IPO11: variants seen among roughly 807,000 people sequenced by gnomAD.
The protein encoded by IPO11 is importin 11.
A neutral mutation model predicts 143.2 loss-of-function variants in IPO11; 66 were observed. The observed-to-expected ratio is 0.46, with a 90% CI of 0.38 to 0.57. IPO11 has a LOEUF of 0.57. Among genes scored for constraint, IPO11 ranks in the 20% least tolerant of loss-of-function variants. IPO11 has a pLI of 0.00. For synonymous variants in IPO11, 385 were observed against 377.8 expected, an observed-to-expected ratio of 1.02 and a Z score of -0.22; for missense variants, 1,026 against 1,141.0, an observed-to-expected ratio of 0.90 and a Z score of 1.45.
chr5:62,533,367 G>A (rs1742624797), intron 22 of IPO11, among the ~76,000 whole-genome samples: 1 of 151,652 alleles, frequency 6.6e-6, no homozygotes, highest in African/African-American at 2.4e-5. Flanking sequence ...ATGCACCACT[G>A]CCCCAGCTAA....
chr5:62,447,250 T>C (rs1184790864), intron 3 of IPO11, among the ~76,000 whole-genome samples: 3 of 151,902 alleles, frequency 2.0e-5, no homozygotes, highest in Non-Finnish European at 2.9e-5. Flanking sequence ...TGACTACATG[T>C]GTGTGCCGCC....
intron 5 of IPO11, among the ~76,000 whole-genome samples, chr5:62,461,566 G>GC (rs1229839319): frequency 2.0e-5 from 3 of 152,240 alleles, no homozygotes; most frequent in African/African-American, 7.2e-5. Context: ...AGCCATTTGT[G>GC]TAGAGACCTT....
At chr5:62,524,782 A>C (rs1347149766) in intron 20 of IPO11, among the ~76,000 whole-genome samples, 2 of 152,332 alleles carry the variant, frequency 1.3e-5, no homozygotes, top group East Asian at 3.9e-4. Flanking sequence ...TGAACTTAGT[A>C]GTATGTGTCA....
At chr5:62,471,788 T>C (rs1033065280) in intron 7 of IPO11, among the ~76,000 whole-genome samples, 1 of 152,242 alleles carries the variant, frequency 6.6e-6, no homozygotes, top group African/African-American at 2.4e-5. Context: ...ATTCTTATAA[T>C]GTACTTACAC....
chr5:62,584,702 T>C (rs1744703971), intron 27 of IPO11, among the ~76,000 whole-genome samples: 1 of 149,586 alleles, frequency 6.7e-6, no homozygotes, highest in African/African-American at 2.4e-5. Flanking sequence ...TCTATACTAG[T>C]GCTGTACTGT....
At chr5:62,492,287 C>T (rs1003896145) in intron 15 of IPO11, among the ~76,000 whole-genome samples, 1 of 142,776 alleles carries the variant, frequency 7.0e-6, no homozygotes, top group Non-Finnish European at 1.6e-5. Flanking sequence ...GCTTTTACCT[C>T]ACTCTACACA....
At chr5:62,622,471 G>T (rs1382629507) in intron 29 of IPO11, among the ~76,000 whole-genome samples, 2 of 152,160 alleles carry the variant, frequency 1.3e-5, no homozygotes, top group African/African-American at 4.8e-5. Flanking sequence ...CAGAAGCCTT[G>T]CTTGTGATTG....
intron 29 of IPO11, among the ~76,000 whole-genome samples, chr5:62,616,780 AGC>A (rs901251730): frequency 2.0e-5 from 3 of 151,604 alleles, no homozygotes; most frequent in African/African-American, 7.3e-5. Flanking sequence ...TAGAAAAATT[AGC>A]CTCATAGCCA....
intron 21 of IPO11, 90 bp downstream of exon 21, chr5:62,526,347 C>A: frequency 1.2e-6 from 1 of 837,440 alleles, no homozygotes; most frequent in South Asian, 1.6e-5. Flanking sequence ...TGTAATAGGG[C>A]TTTAAAAACA....
intron 19 of IPO11, among the ~76,000 whole-genome samples, chr5:62,512,646 TCA>T (rs1427064182): frequency 7.5e-6 from 1 of 133,570 alleles, no homozygotes; most frequent in Non-Finnish European, 1.6e-5. Context: ...TGGGTGTTTC[TCA>T]CAGAGGGGGA....
chr5:62,494,412 C>CT (rs1741055586), intron 16 of IPO11, among the ~76,000 whole-genome samples: 1 of 151,964 alleles, frequency 6.6e-6, no homozygotes, highest in Admixed American at 6.6e-5. Flanking sequence ...CTTACATATT[C>CT]TTTTTAAAAA....
At chr5:62,540,860 A>C (rs764925413) in intron 24 of IPO11, among the ~76,000 whole-genome samples, 1 of 152,140 alleles carries the variant, frequency 6.6e-6, no homozygotes, top group Non-Finnish European at 1.5e-5. Context: ...TAGTCTCTCT[A>C]TGGGGGGAAA....
chr5:62,533,066 G>A (rs548022438), intron 22 of IPO11, among the ~76,000 whole-genome samples: 2 of 152,104 alleles, frequency 1.3e-5, no homozygotes, highest in South Asian at 2.1e-4. Context: ...ATGCATTGTG[G>A]TATGTGTATT....
At chr5:62,580,467 G>A (rs1744507676) in intron 27 of IPO11, 2 of 1,551,144 alleles carry the variant, frequency 1.3e-6, no homozygotes, top group South Asian at 2.4e-5. Flanking sequence ...TGCATCCAAG[G>A]GTCCTTAAGC....
chr5:62,451,116 G>T (rs565404700), intron 4 of IPO11, among the ~76,000 whole-genome samples: 2 of 152,260 alleles, frequency 1.3e-5, no homozygotes, highest in South Asian at 4.1e-4. Context: ...ACACTGATAT[G>T]TAGAAATATC....
chr5:62,602,598 G>C (rs986341349), intron 29 of IPO11, among the ~76,000 whole-genome samples: 1 of 152,130 alleles, frequency 6.6e-6, no homozygotes. Context: ...TAATTACTCT[G>C]TAAGAGTTAG....
intron 5 of IPO11, among the ~76,000 whole-genome samples, chr5:62,456,719 G>A (rs1745172020): frequency 2.0e-5 from 3 of 152,222 alleles, no homozygotes; most frequent in Non-Finnish European, 4.4e-5. Flanking sequence ...GTACAATATT[G>A]TGGGAGACAG....
At chr5:62,596,465 C>T (rs911359507) in intron 28 of IPO11, among the ~76,000 whole-genome samples, 1 of 152,040 alleles carries the variant, frequency 6.6e-6, no homozygotes, top group Non-Finnish European at 1.5e-5. Context: ...GGGACATAAT[C>T]AGATTTATAC....
intron 21 of IPO11, among the ~76,000 whole-genome samples, chr5:62,529,981 C>G (rs534794965): frequency 6.6e-6 from 1 of 152,248 alleles, no homozygotes; most frequent in South Asian, 2.1e-4. Context: ...TTCATAACTG[C>G]TAATGCGGTC....
Sources: allele counts gnomAD v4.1 joint callset (sites outside exome capture counted in the v4.1 genomes callset), GRCh38; gene constraint gnomAD v4.1.1; transcripts MANE v1.5; gene names NCBI Gene and HGNC (gene_info 2026-07-23, HGNC 2026-07-21).